Variants in TSHZ2 observed in about 807,000 individuals in gnomAD.
TSHZ2 encodes teashirt zinc finger homeobox 2, also known as teashirt homolog 2.
A neutral mutation model predicts 74.4 loss-of-function variants in TSHZ2; 21 were observed. The observed-to-expected ratio is 0.28, with a 90% CI of 0.20 to 0.41. The LOEUF is 0.41. Ranked by LOEUF, TSHZ2 falls within the 10% of genes least tolerant of loss-of-function variation. TSHZ2 has a pLI of 1.00. For synonymous variants in TSHZ2, 540 were observed against 515.3 expected, an observed-to-expected ratio of 1.05 and a Z score of -0.65; for missense variants, 1,244 against 1,293.5, an observed-to-expected ratio of 0.96 and a Z score of 0.59.
rs75687730 is a variant in TSHZ2 at position 53,272,603 on chromosome 20, A to G, written c.*8+16032A>G. Among the ~76,000 whole-genome samples, 26 of 152,324 alleles carry G rather than the reference A, an allele frequency of 1.7e-4. No individual in the cohort carries two copies. The East Asian group carries it at 1.9e-3, about 11-fold the overall frequency. On this transcript the variant is annotated intron_variant, in intron 2 of 2. Coordinates refer to ENST00000371497, the MANE Select transcript of TSHZ2 (RefSeq NM_173485.6). ...AGATCAAATACATAAAAGTACACAA[A>G]ACATGAAGCACAGTCCCCAGCATCT...
At chr20:53,482,108 T>TTAAAAA (rs1447358622) in intron 2 of TSHZ2, among the ~76,000 whole-genome samples, 1 of 74,346 alleles carries the variant, frequency 1.3e-5, no homozygotes, top group East Asian at 4.0e-4. Flanking sequence ...CTCCATCTCA[T>TTAAAAA]AAAAAAAAAA....
At chr20:53,082,629 T>C (rs913324401) in intron 1 of TSHZ2, among the ~76,000 whole-genome samples, 1 of 152,240 alleles carries the variant, frequency 6.6e-6, no homozygotes, top group African/African-American at 2.4e-5. Context: ...AGGACTTCTG[T>C]GCCCTGGTGA....
At chr20:53,132,948 C>T (rs1325200400) in intron 1 of TSHZ2, among the ~76,000 whole-genome samples, 3 of 152,126 alleles carry the variant, frequency 2.0e-5, no homozygotes, top group Non-Finnish European at 4.4e-5. Flanking sequence ...TCTCTTTCTA[C>T]CGTTTTCTAT....
At position 53,254,135 on chromosome 20, in the gene TSHZ2, C is replaced by A. The variant is rs1296068836; in HGVS notation, c.677C>A (p.Thr226Asn). 4 of 1,614,018 alleles carry A rather than the reference C, an allele frequency of 2.5e-6. No individual in the cohort carries two copies. The highest frequency in any genetic ancestry group is 3.4e-6 in the Non-Finnish European group (4 of 1,180,040). The change falls in exon 2 of 3, where the codon ACC (threonine) becomes AAC (asparagine). Residue 226 changes from threonine to asparagine, a missense_variant. By Grantham distance (65) the Thr-to-Asn change is moderately conservative. Around this residue, in one of 6 missense-constraint regions of TSHZ2, gnomAD observed 470 missense variants for 456.5 expected, o/e 1.03. Transcript: ENST00000371497. ...CGACAGTGCAGCGCGGCCTATGACA[C>A]CCTAGTCGAGCTGACTGTGCACATG... is the stretch of plus-strand genomic sequence containing the variant. ...RCRQCSAAYD[T>N]LVELTVHMNE...
chr20:53,297,816 A>G (rs572439452), intron 2 of TSHZ2, among the ~76,000 whole-genome samples: 1 of 152,358 alleles, frequency 6.6e-6, no homozygotes, highest in East Asian at 1.9e-4. Context: ...CCCATGCCTG[A>G]CACACTGAAA....
At chr20:53,023,490 C>G (rs1983319065) in intron 1 of TSHZ2, among the ~76,000 whole-genome samples, 2 of 152,132 alleles carry the variant, frequency 1.3e-5, no homozygotes, top group South Asian at 2.1e-4. Context: ...TTTTTAGCCT[C>G]TACGCAGGAG....
intron 2 of TSHZ2, among the ~76,000 whole-genome samples, chr20:53,430,202 T>G (rs1307842524): frequency 6.6e-6 from 1 of 152,114 alleles, no homozygotes; most frequent in Non-Finnish European, 1.5e-5. Context: ...TCTCCAGGGT[T>G]GAAGCGATTC....
intron 1 of TSHZ2, among the ~76,000 whole-genome samples, chr20:53,096,404 A>G (rs1314828269): frequency 6.6e-6 from 1 of 152,210 alleles, no homozygotes; most frequent in Non-Finnish European, 1.5e-5. Flanking sequence ...AAGCCTCCCA[A>G]AGTGCTGGGA....
intron 2 of TSHZ2, among the ~76,000 whole-genome samples, chr20:53,403,020 G>A (rs156608): frequency 0.082 from 12,432 of 152,158 alleles, 604 homozygotes; most frequent in African/African-American, 0.097. Flanking sequence ...GGTAGTGGAC[G>A]CAGTACCCAA....
At chr20:53,183,519 G>C (rs1385957011) in intron 1 of TSHZ2, among the ~76,000 whole-genome samples, 1 of 152,212 alleles carries the variant, frequency 6.6e-6, no homozygotes, top group Non-Finnish European at 1.5e-5. Context: ...TCTTTTAATT[G>C]TAGGGGGATG....
At chr20:53,199,990 G>A (rs1988961881) in intron 1 of TSHZ2, among the ~76,000 whole-genome samples, 1 of 152,166 alleles carries the variant, frequency 6.6e-6, no homozygotes, top group African/African-American at 2.4e-5. Flanking sequence ...TCTTGGAAGG[G>A]AAAATAAAAC....
At chr20:53,049,621 G>A (rs1469280144) in intron 1 of TSHZ2, among the ~76,000 whole-genome samples, 1 of 152,110 alleles carries the variant, frequency 6.6e-6, no homozygotes, top group African/African-American at 2.4e-5. Flanking sequence ...GAATTCTTAG[G>A]ATTCAGCTTG....
intron 2 of TSHZ2, among the ~76,000 whole-genome samples, chr20:53,260,034 C>T (rs1258981151): frequency 6.6e-6 from 1 of 151,846 alleles, no homozygotes; most frequent in Admixed American, 6.6e-5. Flanking sequence ...TTCATTCCTT[C>T]CTCTTTCCCT....
chr20:53,017,309 C>T (rs1983073341), intron 1 of TSHZ2, among the ~76,000 whole-genome samples: 1 of 152,190 alleles, frequency 6.6e-6, no homozygotes, highest in African/African-American at 2.4e-5. Flanking sequence ...CTTGACTCCA[C>T]AGCCCATGAC....
At position 53,489,820 on chromosome 20, in the gene TSHZ2, T is replaced by G. The variant is rs926256705; in HGVS notation, c.*2685T>G. ...CTGGCACTGGGGCATACATCACCAC[T>G]CAGCATATTCCTAGAGGCCAGGCCT... On this transcript the variant is annotated 3_prime_UTR_variant, in exon 3 of 3. Coordinates refer to ENST00000371497, the MANE Select transcript of TSHZ2 (RefSeq NM_173485.6). 2 of 151,382 alleles carry G rather than the reference T, an allele frequency of 1.3e-5. No individual in the cohort carries two copies. Among genetic ancestry groups the G allele is most frequent in the Non-Finnish European group, 2.9e-5 (2 of 68,246 alleles). 9.4% of individuals were successfully genotyped at this position (151,382 alleles called of 1,614,324 possible).
At chr20:53,364,963 G>T (rs754198973) in intron 2 of TSHZ2, among the ~76,000 whole-genome samples, 2 of 152,218 alleles carry the variant, frequency 1.3e-5, no homozygotes, top group South Asian at 2.1e-4. Flanking sequence ...CTTGTAACGC[G>T]TGGAGGCACT....
intron 1 of TSHZ2, among the ~76,000 whole-genome samples, chr20:53,046,203 G>A (rs964821134): frequency 3.3e-5 from 5 of 152,146 alleles, no homozygotes; most frequent in South Asian, 2.1e-4. Flanking sequence ...AGCCTTAACC[G>A]CAAGCTCTAG....
At chr20:53,477,065 C>T (rs1300009563) in intron 2 of TSHZ2, among the ~76,000 whole-genome samples, 7 of 60,666 alleles carry the variant, frequency 1.2e-4, no homozygotes, top group African/African-American at 4.2e-4. Context: ...GAATCAATAT[C>T]GTGAAAATGG....
At chr20:53,268,927 A>G (rs1990773840) in intron 2 of TSHZ2, among the ~76,000 whole-genome samples, 1 of 152,226 alleles carries the variant, frequency 6.6e-6, no homozygotes, top group Non-Finnish European at 1.5e-5. Context: ...GGGGCAAGTC[A>G]GTTATTCTCC....
Sources: allele counts gnomAD v4.1 joint callset (sites outside exome capture counted in the v4.1 genomes callset), GRCh38; gene constraint gnomAD v4.1.1; regional missense constraint gnomAD v4.1.1; transcripts MANE v1.5; gene names NCBI Gene and HGNC (gene_info 2026-07-23, HGNC 2026-07-21).